Variants in GALNT17 observed in about 807,000 individuals in gnomAD.
GALNT17 encodes the protein polypeptide N-acetylgalactosaminyltransferase 17.
In GALNT17, 29 loss-of-function variants were observed where a neutral mutation model predicts 63.7. The observed-to-expected ratio is 0.46, with a 90% CI of 0.34 to 0.62. The LOEUF is 0.62. GALNT17 is among the 20% of genes least tolerant of loss of function. GALNT17 has a pLI of 0.01. For synonymous variants in GALNT17, 305 were observed against 318.3 expected (o/e 0.96, Z 0.45); for missense variants, 603 against 799.6 (o/e 0.75, Z 2.97).
intron 3 of GALNT17, among the ~76,000 whole-genome samples, chr7:71,398,417 T>A (rs1353567715): frequency 1.3e-5 from 2 of 152,200 alleles, no homozygotes; most frequent in East Asian, 3.8e-4. Flanking sequence ...TACTTCCAAG[T>A]GATCATTTTT....
At position 71,450,194 on chromosome 7, in the gene GALNT17, C is replaced by G. The variant is rs150326973; in HGVS notation, c.962+29089C>G. On this transcript the variant is annotated intron_variant, in intron 5 of 10. Coordinates refer to ENST00000333538, the MANE Select transcript of GALNT17 (RefSeq NM_022479.3). ...TCTGTCGCCCAGGATGGAGTGCAGTCGCGCGATCTCGGCTCACCGCAAACT... is the reference window on the plus strand; with the variant it reads ...TCTGTCGCCCAGGATGGAGTGCAGTGGCGCGATCTCGGCTCACCGCAAACT... 5.6e-3 allele frequency among the ~76,000 whole-genome samples: 813 copies of G among 146,172 alleles called. 8 individuals are homozygous for G. The highest frequency in any genetic ancestry group is 0.02 in the African/African-American group (775 of 39,350).
chr7:71,205,092 G>C (rs1789245729), intron 1 of GALNT17, among the ~76,000 whole-genome samples: 1 of 132,898 alleles, frequency 7.5e-6, no homozygotes, highest in African/African-American at 2.7e-5. Flanking sequence ...CAGATCTTTT[G>C]TTTTCTTGGT....
intron 1 of GALNT17, among the ~76,000 whole-genome samples, chr7:71,289,109 T>A (rs1790930548): frequency 6.6e-6 from 1 of 151,782 alleles, no homozygotes; most frequent in Non-Finnish European, 1.5e-5. Flanking sequence ...GTGTGACTTT[T>A]GACTCCCCCA....
intron 1 of GALNT17, among the ~76,000 whole-genome samples, chr7:71,263,720 G>C (rs552807471): frequency 2.0e-5 from 3 of 152,086 alleles, no homozygotes; most frequent in African/African-American, 7.2e-5. Flanking sequence ...TCAGGAGATC[G>C]AGACCATCCT....
chr7:71,228,138 G>C (rs1350843362), intron 1 of GALNT17, among the ~76,000 whole-genome samples: 1 of 152,162 alleles, frequency 6.6e-6, no homozygotes, highest in African/African-American at 2.4e-5. Flanking sequence ...GTACACGTGT[G>C]TGTTGGAGGC....
At chr7:71,339,131 T>C (rs1791963808) in intron 2 of GALNT17, among the ~76,000 whole-genome samples, 1 of 152,216 alleles carries the variant, frequency 6.6e-6, no homozygotes, top group Admixed American at 6.5e-5. Flanking sequence ...AAAACGAGGT[T>C]ACTGGAAAAG....
intron 8 of GALNT17, among the ~76,000 whole-genome samples, chr7:71,674,030 G>C (rs375448462): frequency 2.6e-5 from 4 of 152,214 alleles, no homozygotes; most frequent in African/African-American, 7.2e-5. Context: ...TACAGTGGGG[G>C]TGGCATTGGG....
At chr7:71,283,092 TGTGATCATA>T (rs1211112927) in intron 1 of GALNT17, among the ~76,000 whole-genome samples, 86 of 152,082 alleles carry the variant, frequency 5.7e-4, no homozygotes, top group African/African-American at 2.0e-3. Flanking sequence ...AGTGCCATGG[TGTGATCATA>T]GCTCGTGGTA....
chr7:71,160,278 C>A (rs1321457370), intron 1 of GALNT17, among the ~76,000 whole-genome samples: 1 of 152,136 alleles, frequency 6.6e-6, no homozygotes, highest in East Asian at 1.9e-4. Flanking sequence ...GTTCCCTTAA[C>A]ATTTTAATAG....
At chr7:71,249,742 A>G (rs58061335) in intron 1 of GALNT17, among the ~76,000 whole-genome samples, 1,640 of 152,332 alleles carry the variant, frequency 0.011, 37 homozygotes, top group African/African-American at 0.037. Flanking sequence ...GATACCCCCC[A>G]AAAGAGATGT....
chr7:71,593,434 T>A (rs1789840727), intron 6 of GALNT17, among the ~76,000 whole-genome samples: 1 of 151,912 alleles, frequency 6.6e-6, no homozygotes, highest in South Asian at 2.1e-4. Flanking sequence ...CCCAGCTAAT[T>A]TTTGTATTTT....
In GALNT17 at chr7:71,677,303, A is replaced by G. The variant is rs999605537; in HGVS notation, c.1497A>G (p.Pro499=). The change falls in exon 9 of 11, where the codon CCA becomes CCG. Residue 499 remains proline (P), a synonymous_variant. Coordinates refer to ENST00000333538, the MANE Select transcript of GALNT17 (RefSeq NM_022479.3). ...TGTATCCGTGCCATGGCTGGGGACC[A>G]CAGGTAGGAGCTCGTCTCTGACCAG... ...AILYPCHGWG[P]QLARYTKEGF... 5.0e-6 allele frequency: 8 copies of G among 1,613,766 alleles called. No homozygotes were observed. The highest frequency in any genetic ancestry group is 6.8e-6 in the Non-Finnish European group (8 of 1,179,798).
chr7:71,688,555 G>GCC (rs1554325043), intron 9 of GALNT17, among the ~76,000 whole-genome samples: 1 of 151,882 alleles, frequency 6.6e-6, no homozygotes, highest in Non-Finnish European at 1.5e-5. Context: ...CTGAGAAGTG[G>GCC]CTCTCGTGAT....
At chr7:71,235,359 C>T (rs1789868858) in intron 1 of GALNT17, among the ~76,000 whole-genome samples, 1 of 152,118 alleles carries the variant, frequency 6.6e-6, no homozygotes, top group Non-Finnish European at 1.5e-5. Flanking sequence ...GGCTGCATCA[C>T]CCGCAACCGT....
intron 1 of GALNT17, among the ~76,000 whole-genome samples, chr7:71,213,518 CTATA>C (rs1789420673): frequency 6.6e-6 from 1 of 152,162 alleles, no homozygotes; most frequent in Non-Finnish European, 1.5e-5. Context: ...TTTATGTTAA[CTATA>C]TATCCATTTC....
At chr7:71,455,934 C>T (rs1393783697) in intron 5 of GALNT17, among the ~76,000 whole-genome samples, 3 of 152,198 alleles carry the variant, frequency 2.0e-5, no homozygotes, top group Non-Finnish European at 2.9e-5. Flanking sequence ...TCACCTACCC[C>T]TCAGAGCTCC....
chr7:71,616,228 G>A lies in GALNT17; in HGVS notation c.1080+44826G>A, dbSNP rs114585087. Among the ~76,000 whole-genome samples the A allele has an allele frequency of 4.8e-3, 736 of 152,050 alleles. 14 individuals carry two copies. The highest frequency in any genetic ancestry group is 0.017 in the African/African-American group (707 of 41,484). ...CTAGTCTGTTCGAGTACCCTAGGGT[G>A]GGCGATTCACAGTAGTGTCTGAAGC... On this transcript the variant is annotated intron_variant, in intron 6 of 10. Transcript: ENST00000333538.
rs1554362119 is a variant in GALNT17, at chr7:71,377,114, A to AATATATAT, written c.423-11101_423-11094dup. ...AAAAAAAAAAAATAAAAATAAAAAAAATATATATATATATATATATATATA... is the reference window on the plus strand; with the variant it reads ...AAAAAAAAAAAATAAAAATAAAAAAAATATATATATATATATATATATATATATATATA... On this transcript the variant is annotated intron_variant, in intron 2 of 10. Transcript: ENST00000333538. Among the ~76,000 whole-genome samples, 75 of 57,434 alleles carry AATATATAT rather than the reference A, an allele frequency of 1.3e-3. 6 individuals carry two copies. The highest frequency in any genetic ancestry group is 1.7e-3 in the African/African-American group (18 of 10,664). 37.7% of individuals were successfully genotyped at this position (57,434 alleles called of 152,430 possible).
intron 2 of GALNT17, among the ~76,000 whole-genome samples, chr7:71,342,621 A>T (rs10249102): frequency 0.99 from 151,376 of 152,354 alleles, 75,208 homozygotes; most frequent in East Asian, 1. Context: ...TGTAGTCATA[A>T]AAATGTAAAT....
Sources: allele counts gnomAD v4.1 joint callset (sites outside exome capture counted in the v4.1 genomes callset), GRCh38; gene constraint gnomAD v4.1.1; transcripts MANE v1.5; gene names NCBI Gene and HGNC (gene_info 2026-07-23, HGNC 2026-07-21).